The following AMMECR1 variants were observed in gnomAD, a reference collection of about 807,000 sequenced individuals.
The protein encoded by AMMECR1 is AMMECR nuclear protein 1, also known as nuclear protein AMMECR1.
Under a neutral mutation model 22.5 loss-of-function variants are expected in AMMECR1, and 3 were observed. That is an observed-to-expected ratio of 0.13 (90% CI 0.06 to 0.35). AMMECR1 has a LOEUF of 0.35. AMMECR1 is among the 10% of genes least tolerant of loss of function. AMMECR1 has a pLI of 1.00. For synonymous variants in AMMECR1, 130 were observed against 116.7 expected, an observed-to-expected ratio of 1.11 and a Z score of -0.74; for missense variants, 235 against 278.7, an observed-to-expected ratio of 0.84 and a Z score of 1.12.
At chrX:110,391,490 T>C (rs908399106) in intron 2 of AMMECR1, among the ~76,000 whole-genome samples, 6 of 112,219 alleles carry the variant, frequency 5.3e-5, no homozygotes, top group African/African-American at 1.9e-4. Context: ...ATTTTCTATA[T>C]CATTATTGCA....
chrX:110,311,517 T>A (rs1451706253), intron 1 of AMMECR1, among the ~76,000 whole-genome samples: 1 of 111,573 alleles, frequency 9.0e-6, no homozygotes, highest in Non-Finnish European at 1.9e-5. Flanking sequence ...AACAGGGTTT[T>A]TTTTTCCAAT....
intron 2 of AMMECR1, chrX:110,419,057 G>C (rs12396245): frequency 8.9e-6 from 1 of 111,759 alleles, no homozygotes; most frequent in Non-Finnish European, 1.9e-5. Flanking sequence ...CGATTTGGAA[G>C]GCAAAGGGCC....
chrX:110,380,581 A>AT (rs200482936), intron 2 of AMMECR1, among the ~76,000 whole-genome samples: 1,417 of 112,458 alleles, frequency 0.013, 15 homozygotes, highest in Middle Eastern at 0.037. Flanking sequence ...CTTTTCACAG[A>AT]TTTAAAAAAA....
intron 4 of AMMECR1, among the ~76,000 whole-genome samples, chrX:110,201,887 T>C (rs930124393): frequency 8.9e-6 from 1 of 112,109 alleles, no homozygotes; most frequent in African/African-American, 3.2e-5. Flanking sequence ...TGTGTTACAA[T>C]GTTGGTTCAT....
At chrX:110,426,306 C>T (rs1309732540) in intron 2 of AMMECR1, among the ~76,000 whole-genome samples, 1 of 111,602 alleles carries the variant, frequency 9.0e-6, no homozygotes, top group Non-Finnish European at 1.9e-5. Flanking sequence ...TCTATCTTGT[C>T]GAACCCTCCC....
In AMMECR1 at chrX:110,221,581, T is replaced by C. The variant is rs1051947134; in HGVS notation, c.585-4949A>G. ...AGCTATATGTACAGTGTTACTTAAC[T>C]GGGAGATGTTTTTCCTTTTACAGTA... On this transcript the variant is annotated intron_variant, in intron 2 of 5. Coordinates refer to ENST00000262844, the MANE Select transcript of AMMECR1 (RefSeq NM_015365.3). Among the ~76,000 whole-genome samples, 3 of 111,627 alleles carry C rather than the reference T, an allele frequency of 2.7e-5. No individual in the cohort carries two copies. The Admixed American group carries it at 2.9e-4, about 11-fold the overall frequency.
chrX:110,293,317 G>C (rs1191685412), intron 1 of AMMECR1, among the ~76,000 whole-genome samples: 4 of 111,373 alleles, frequency 3.6e-5, no homozygotes, highest in African/African-American at 9.8e-5. Context: ...TTCATTCCAG[G>C]AGCACAGTTT....
At chrX:110,274,144 T>A (rs150013837) in intron 1 of AMMECR1, among the ~76,000 whole-genome samples, 1,846 of 111,980 alleles carry the variant, frequency 0.016, 41 homozygotes, top group African/African-American at 0.056. Context: ...TTTGTTAATG[T>A]CATCTATGAT....
At chrX:110,272,291 T>C (rs1025549439) in intron 1 of AMMECR1, among the ~76,000 whole-genome samples, 1 of 111,296 alleles carries the variant, frequency 9.0e-6, no homozygotes, top group Non-Finnish European at 1.9e-5. Flanking sequence ...AGTCTTCCGA[T>C]TCCTAAGCTA....
chrX:110,332,057 A>G lies in AMMECR1; in HGVS notation c.-147-14208T>C, dbSNP rs1000764543. 5.4e-5 allele frequency among the ~76,000 whole-genome samples: 6 copies of G among 111,373 alleles called. No homozygotes were observed. In the East Asian group the frequency reaches 1.7e-3, roughly 31 times the overall value. ...TATTATAGATCTATTCCCTTCTGCC[A>G]CCTAGTCTCCCTTCCTTGAGGACAA... is the stretch of plus-strand genomic sequence containing the variant. On this transcript the variant is annotated intron_variant, in intron 2 of 7. Transcript: ENST00000372057.
intron 2 of AMMECR1, among the ~76,000 whole-genome samples, chrX:110,391,884 TC>T (rs36081282): frequency 8.9e-6 from 1 of 112,200 alleles, no homozygotes; most frequent in East Asian, 2.8e-4. Flanking sequence ...CCAGATTTCA[TC>T]CCTGATTTTG....
chrX:110,300,782 C>A (rs2148217823), intron 1 of AMMECR1, among the ~76,000 whole-genome samples: 1 of 112,192 alleles, frequency 8.9e-6, no homozygotes, highest in East Asian at 2.8e-4. Flanking sequence ...ATCATGTTTA[C>A]CCTGTGGCTT....
In AMMECR1 at chrX:110,317,958, C is replaced by G. The variant is rs754418160; in HGVS notation, c.114G>C (p.Gln38His). The G allele has an allele frequency of 1.4e-4, 168 of 1,197,507 alleles. No homozygotes were observed. Among genetic ancestry groups the G allele is most frequent in the Non-Finnish European group, 1.1e-6 (1 of 889,143 alleles). ...SSSSHCSGES[Q>H]CRAGELGLGG... ...CTAGTCCCAGCTCCCCAGCTCGGCA[C>G]TGGCTCTCTCCGCTGCAGTGGGAGG... is the stretch of plus-strand genomic sequence containing the variant. Residue 38 changes from glutamine (Q) to histidine (H), a missense_variant, in exon 1 of 6, where the codon CAG (glutamine) becomes CAC (histidine). Physicochemically the swap from Gln to His is conservative, Grantham distance 24. This residue lies in a region of AMMECR1 where 124 missense variants were observed against 97.0 expected (regional missense o/e 1.28). Transcript: ENST00000262844.
chrX:110,227,548 C>T (rs1254949501), intron 2 of AMMECR1, among the ~76,000 whole-genome samples: 1 of 112,265 alleles, frequency 8.9e-6, no homozygotes, highest in Non-Finnish European at 1.9e-5. Flanking sequence ...CTTTATTTTC[C>T]TTTCTCTTCT....
intron 2 of AMMECR1, among the ~76,000 whole-genome samples, chrX:110,240,412 GA>G (rs746151801): frequency 8.6e-5 from 7 of 81,499 alleles, no homozygotes; most frequent in African/African-American, 3.1e-4. Context: ...ACGGGGGGGG[GA>G]GGGTTTGCAA....
intron 2 of AMMECR1, among the ~76,000 whole-genome samples, chrX:110,393,378 C>T (rs1446107498): frequency 1.8e-5 from 2 of 112,096 alleles, no homozygotes; most frequent in African/African-American, 6.5e-5. Context: ...GTACCAGGTG[C>T]TTTATTTTCA....
chrX:110,404,817 G>A (rs988599110), intron 2 of AMMECR1, among the ~76,000 whole-genome samples: 3 of 111,497 alleles, frequency 2.7e-5, no homozygotes, highest in African/African-American at 6.5e-5. Context: ...TAGACTTCCT[G>A]TAACTCACGA....
At chrX:110,360,968 G>A (rs972143135) in intron 2 of AMMECR1, among the ~76,000 whole-genome samples, 17 of 111,517 alleles carry the variant, frequency 1.5e-4, no homozygotes, top group African/African-American at 4.9e-4. Flanking sequence ...TCCGATCTTC[G>A]TGGCTTAATA....
At chrX:110,329,417 T>G (rs2068111719) in intron 2 of AMMECR1, among the ~76,000 whole-genome samples, 1 of 111,947 alleles carries the variant, frequency 8.9e-6, no homozygotes, top group Admixed American at 9.5e-5. Flanking sequence ...AGGACCCACT[T>G]CCTGGTCCTT....
Sources: allele counts gnomAD v4.1 joint callset (sites outside exome capture counted in the v4.1 genomes callset), GRCh38; gene constraint gnomAD v4.1.1; regional missense constraint gnomAD v4.1.1; transcripts MANE v1.5; gene names NCBI Gene and HGNC (gene_info 2026-07-23, HGNC 2026-07-21).